SHB: variants seen among roughly 807,000 people sequenced by gnomAD.
SHB encodes the protein SH2 domain containing adaptor protein B.
SHB carries 20 observed loss-of-function variants against 52.3 expected under a neutral mutation model. The ratio of observed to expected loss-of-function variants is 0.38; its 90% CI spans 0.27 to 0.56. The LOEUF is 0.56. Ranked by LOEUF, SHB falls within the 20% of genes least tolerant of loss-of-function variation. The pLI is 0.71. For synonymous variants in SHB, 397 were observed against 316.5 expected (o/e 1.25, Z -2.70); for missense variants, 825 against 723.3 (o/e 1.14, Z -1.61).
chr9:37,955,370 G>A (rs1404200819), intron 4 of SHB, among the ~76,000 whole-genome samples: 1 of 152,172 alleles, frequency 6.6e-6, no homozygotes, highest in African/African-American at 2.4e-5. Flanking sequence ...CACTGGCTGG[G>A]TGGGAGCCTC....
intron 5 of SHB, among the ~76,000 whole-genome samples, chr9:37,942,789 C>T (rs567064685): frequency 7.9e-4 from 121 of 152,276 alleles, no homozygotes; most frequent in African/African-American, 2.4e-3. Flanking sequence ...CTGCCTCGGT[C>T]TCCTGGGATG....
intron 1 of SHB, among the ~76,000 whole-genome samples, chr9:38,019,224 G>A (rs2118084827): frequency 6.6e-6 from 1 of 152,324 alleles, no homozygotes; most frequent in Middle Eastern, 3.4e-3. Context: ...CTAAACCCCA[G>A]GCAAGCACCT....
intron 1 of SHB, among the ~76,000 whole-genome samples, chr9:38,050,977 C>T (rs1399997758): frequency 5.9e-5 from 9 of 152,212 alleles, no homozygotes; most frequent in Admixed American, 3.9e-4. Context: ...ATTTAGCATC[C>T]TCTGAATTGT....
At chr9:37,921,794 C>T (rs1339011944) in intron 5 of SHB, among the ~76,000 whole-genome samples, 1 of 152,238 alleles carries the variant, frequency 6.6e-6, no homozygotes, top group Non-Finnish European at 1.5e-5. Context: ...AGCAAAGACT[C>T]ACCTACCCAC....
At chr9:38,047,072 C>T (rs751232175) in intron 1 of SHB, among the ~76,000 whole-genome samples, 1 of 152,238 alleles carries the variant, frequency 6.6e-6, no homozygotes, top group Non-Finnish European at 1.5e-5. Flanking sequence ...GTTTCAGGTT[C>T]AGTGCCAGCT....
chr9:38,040,059 T>A (rs1285602205), intron 1 of SHB, among the ~76,000 whole-genome samples: 3 of 152,248 alleles, frequency 2.0e-5, no homozygotes, highest in Non-Finnish European at 2.9e-5. Flanking sequence ...GCCTGGGGGT[T>A]TTTCCTCCTC....
chr9:38,012,630 G>A (rs1191588513), intron 2 of SHB, among the ~76,000 whole-genome samples: 2 of 151,882 alleles, frequency 1.3e-5, no homozygotes, highest in Admixed American at 6.6e-5. Context: ...TGAGGCTACT[G>A]CTTTGCAGGG....
At chr9:37,957,445 ATTTCTGTC>A (rs921891968) in intron 3 of SHB, among the ~76,000 whole-genome samples, 7 of 152,158 alleles carry the variant, frequency 4.6e-5, no homozygotes, top group Non-Finnish European at 1.5e-5. Flanking sequence ...ACTGTGGGGC[ATTTCTGTC>A]CCTCTAAGAC....
intron 3 of SHB, among the ~76,000 whole-genome samples, chr9:37,958,218 C>T (rs370560611): frequency 1.8e-4 from 27 of 149,768 alleles, no homozygotes; most frequent in African/African-American, 6.4e-4. Context: ...AGGAGGGCAG[C>T]GAGGCAGTGC....
intron 5 of SHB, among the ~76,000 whole-genome samples, chr9:37,926,142 G>A (rs1587193156): frequency 1.3e-5 from 2 of 152,254 alleles, no homozygotes; most frequent in East Asian, 1.9e-4. Context: ...ACCATGGCAA[G>A]GTACCTCCGT....
chr9:37,971,752 C>T (rs1047459032), intron 3 of SHB, among the ~76,000 whole-genome samples: 2 of 152,196 alleles, frequency 1.3e-5, no homozygotes, highest in African/African-American at 4.8e-5. Flanking sequence ...CAGGCCAAAA[C>T]GGATGCTTGT....
chr9:37,968,231 T>A (rs1587218577), intron 3 of SHB, among the ~76,000 whole-genome samples: 1 of 152,254 alleles, frequency 6.6e-6, no homozygotes, highest in Non-Finnish European at 1.5e-5. Flanking sequence ...TCAGATCTTT[T>A]GTTTTTATTT....
Position 38,068,138 on chromosome 9 carries a change from GC to G in SHB, c.507del (p.Ala171ProfsTer70). 7.0e-7 allele frequency: 1 copy of G among 1,437,958 alleles called. No individual in the cohort carries two copies. Among genetic ancestry groups the G allele is most frequent in the Non-Finnish European group, 9.0e-7 (1 of 1,108,004 alleles). 89.1% of individuals were successfully genotyped at this position (1,437,958 alleles called of 1,614,324 possible). ...TAGCGCACCTCGGCCGGCGTGGCGG[GC>G]CGCCGCTCGCTGCTGCTGCGGTAGA... The part of the protein sequence containing the change: ...PHLYRSSSER[R>X]PATPAEVRYI... On this transcript the variant is annotated frameshift_variant, in exon 1 of 6. Transcript: ENST00000377707. LOFTEE classifies it high-confidence loss of function.
At chr9:37,985,412 G>A (rs1310361277) in intron 2 of SHB, among the ~76,000 whole-genome samples, 2 of 152,238 alleles carry the variant, frequency 1.3e-5, no homozygotes, top group East Asian at 1.9e-4. Context: ...GGACCTTGCC[G>A]TGCAGCTCTG....
chr9:37,974,193 T>C (rs973199482), intron 3 of SHB, among the ~76,000 whole-genome samples: 3 of 151,956 alleles, frequency 2.0e-5, no homozygotes, highest in Admixed American at 2.0e-4. Flanking sequence ...GAGATGGAGG[T>C]TGCGGTGAGC....
At chr9:38,063,176 C>G (rs1210794345) in intron 1 of SHB, among the ~76,000 whole-genome samples, 1 of 152,238 alleles carries the variant, frequency 6.6e-6, no homozygotes, top group Admixed American at 6.5e-5. Context: ...CCACAGCTAT[C>G]AAGTGCAACC....
chr9:37,934,519 T>C (rs1025124817), intron 5 of SHB, among the ~76,000 whole-genome samples: 2 of 152,324 alleles, frequency 1.3e-5, no homozygotes, highest in Non-Finnish European at 1.5e-5. Flanking sequence ...CAGGCTGGTA[T>C]TGAACTCCTA....
chr9:37,930,635 C>A (rs2118472075), intron 5 of SHB, among the ~76,000 whole-genome samples: 1 of 152,266 alleles, frequency 6.6e-6, no homozygotes, highest in South Asian at 2.1e-4. Flanking sequence ...TCACTATCCA[C>A]AAAGCACCTT....
intron 2 of SHB, among the ~76,000 whole-genome samples, chr9:38,008,213 T>C (rs138246236): frequency 6.6e-6 from 1 of 152,084 alleles, no homozygotes; most frequent in Non-Finnish European, 1.5e-5. Flanking sequence ...ACGTGCTCAG[T>C]GTCAGGGGTC....
Sources: gnomAD v4.1 joint callset for allele counts (sites outside exome capture counted in the v4.1 genomes callset) on GRCh38, gnomAD v4.1.1 for gene constraint, MANE v1.5 for transcripts, NCBI Gene and HGNC (gene_info 2026-07-23, HGNC 2026-07-21) for gene names.